The following VAT1L variants were observed in gnomAD, a reference collection of about 807,000 sequenced individuals.
VAT1L encodes vesicle amine transport 1 like.
In VAT1L, 34 loss-of-function variants were observed where a neutral mutation model predicts 44.1. The ratio of observed to expected loss-of-function variants is 0.77; its 90% CI spans 0.59 to 1.03. VAT1L has a LOEUF of 1.03. Ranked by LOEUF, VAT1L falls within the 50% of genes least tolerant of loss-of-function variation. The pLI is 0.00. For missense variants in VAT1L, 615 were observed against 538.8 expected (o/e 1.14, Z -1.40); for synonymous variants, 253 against 202.2 (o/e 1.25, Z -2.13).
At chr16:77,809,675 T>C (rs989586655) in intron 1 of VAT1L, among the ~76,000 whole-genome samples, 1 of 152,240 alleles carries the variant, frequency 6.6e-6, no homozygotes, top group Non-Finnish European at 1.5e-5. Context: ...CAATTGCTGC[T>C]ATGGGTAGAG....
chr16:77,835,257 A>C (rs1443215788), intron 3 of VAT1L, among the ~76,000 whole-genome samples: 1 of 152,190 alleles, frequency 6.6e-6, no homozygotes, highest in Non-Finnish European at 1.5e-5. Flanking sequence ...GGGGGAGGAA[A>C]AATCATTCCC....
intron 3 of VAT1L, among the ~76,000 whole-genome samples, chr16:77,838,322 G>T (rs1348984423): frequency 6.6e-6 from 1 of 152,144 alleles, no homozygotes; most frequent in African/African-American, 2.4e-5. Context: ...GTTGGGAAAG[G>T]GAGGTGTGTA....
At chr16:77,800,504 AGTACCC>A (rs2016027609) in intron 1 of VAT1L, 1 of 152,218 alleles carries the variant, frequency 6.6e-6, no homozygotes, top group Admixed American at 6.5e-5. Flanking sequence ...TGCACCCTTC[AGTACCC>A]ACAGAGAGTT....
At chr16:77,974,921 A>G (rs1567527780) in intron 8 of VAT1L, among the ~76,000 whole-genome samples, 2 of 152,088 alleles carry the variant, frequency 1.3e-5, no homozygotes, top group Admixed American at 6.5e-5. Flanking sequence ...ACAGTAGAGA[A>G]TGGGTAATCA....
intron 1 of VAT1L, among the ~76,000 whole-genome samples, chr16:77,791,473 G>A (rs1167813867): frequency 6.6e-6 from 1 of 152,184 alleles, no homozygotes; most frequent in African/African-American, 2.4e-5. Flanking sequence ...ATGCGCCAGT[G>A]AGATGGGTAT....
intron 4 of VAT1L, among the ~76,000 whole-genome samples, chr16:77,863,337 TAGG>T (rs748891950): frequency 6.6e-5 from 10 of 152,164 alleles, no homozygotes; most frequent in Non-Finnish European, 1.0e-4. Context: ...GGGTCATGAA[TAGG>T]AGGTTTTATG....
At chr16:77,920,605 T>C (rs2017601212) in intron 7 of VAT1L, among the ~76,000 whole-genome samples, 1 of 152,232 alleles carries the variant, frequency 6.6e-6, no homozygotes, top group African/African-American at 2.4e-5. Context: ...ATGCTCTGTA[T>C]AATGACATTT....
intron 7 of VAT1L, among the ~76,000 whole-genome samples, chr16:77,917,790 G>A (rs1263357703): frequency 2.6e-5 from 4 of 152,198 alleles, no homozygotes; most frequent in African/African-American, 9.7e-5. Context: ...GGAATAAGGA[G>A]AGTGTATGAT....
rs991260704 is a variant in VAT1L at position 77,978,756 on chromosome 16, C to T, written c.*1061C>T. 4 of 152,192 alleles carry T rather than the reference C, an allele frequency of 2.6e-5. No individual in the cohort carries two copies. Among genetic ancestry groups the T allele is most frequent in the Non-Finnish European group, 5.9e-5 (4 of 68,046 alleles). The allele number at this position is 152,192 out of a possible 1,614,324, so 9.4% of individuals were successfully genotyped here. A position where few individuals can be genotyped will look rare whatever the true frequency, so the allele number is the denominator to read the frequency against. ...TTCCTCCCCTCCCATATATAAACCC[C>T]GGTGTAGAATCTGCAGCGCCCTGCT... On this transcript the variant is annotated 3_prime_UTR_variant, in exon 9 of 9. Transcript: ENST00000302536.
At chr16:77,973,062 C>G (rs2018297449) in intron 8 of VAT1L, among the ~76,000 whole-genome samples, 3 of 152,052 alleles carry the variant, frequency 2.0e-5, no homozygotes, top group East Asian at 1.9e-4. Flanking sequence ...ATGTCAAACT[C>G]ACATCCCACC....
chr16:77,858,442 G>C (rs759200496), intron 3 of VAT1L, among the ~76,000 whole-genome samples: 1 of 152,242 alleles, frequency 6.6e-6, no homozygotes, highest in African/African-American at 2.4e-5. Flanking sequence ...AAGAAAAATA[G>C]TAAGAGAGGA....
intron 4 of VAT1L, among the ~76,000 whole-genome samples, chr16:77,875,584 T>C (rs1231447259): frequency 6.6e-6 from 1 of 152,162 alleles, no homozygotes; most frequent in Non-Finnish European, 1.5e-5. Flanking sequence ...TAAAAGTTGC[T>C]TACATGCATT....
chr16:77,917,816 G>A (rs184316964), intron 7 of VAT1L, among the ~76,000 whole-genome samples: 2 of 152,272 alleles, frequency 1.3e-5, no homozygotes, highest in African/African-American at 2.4e-5. Context: ...CTGCCTTTGA[G>A]GGGAAGATAC....
At chr16:77,901,312 C>T (rs1382897607) in intron 7 of VAT1L, among the ~76,000 whole-genome samples, 6 of 151,616 alleles carry the variant, frequency 4.0e-5, no homozygotes, top group African/African-American at 7.3e-5. Flanking sequence ...TACAGGCGCC[C>T]GCCACCATGC....
In VAT1L at chr16:77,977,887, G is replaced by C. The variant is rs1384905524; in HGVS notation, c.*192G>C. ...CCAATCCCATGCCATGCAGTATTAT[G>C]TCCCTCTCCTATCTGTGTATTACAC... On this transcript the variant is annotated 3_prime_UTR_variant, in exon 9 of 9. Coordinates refer to ENST00000302536, the MANE Select transcript of VAT1L (RefSeq NM_020927.3). 2 of 580,148 alleles carry C rather than the reference G, an allele frequency of 3.4e-6. No individual in the cohort carries two copies. Among genetic ancestry groups the C allele is most frequent in the Non-Finnish European group, 3.1e-6 (1 of 320,270 alleles). 35.9% of individuals were successfully genotyped at this position (580,148 alleles called of 1,614,324 possible).
At chr16:77,924,360 A>G (rs1345977876) in intron 7 of VAT1L, among the ~76,000 whole-genome samples, 3 of 152,116 alleles carry the variant, frequency 2.0e-5, no homozygotes, top group African/African-American at 7.2e-5. Context: ...CATATCAGGC[A>G]TTTTAAGCTT....
intron 4 of VAT1L, among the ~76,000 whole-genome samples, chr16:77,872,490 A>G (rs1029766159): frequency 6.6e-6 from 1 of 152,182 alleles, no homozygotes; most frequent in Non-Finnish European, 1.5e-5. Context: ...CCATAATGCA[A>G]GGTGAAGACC....
chr16:77,960,949 G>A (rs1457093483), intron 7 of VAT1L, among the ~76,000 whole-genome samples: 2 of 152,136 alleles, frequency 1.3e-5, no homozygotes, highest in Non-Finnish European at 2.9e-5. Flanking sequence ...ACTTCATTGA[G>A]AGCATGAACT....
intron 3 of VAT1L, among the ~76,000 whole-genome samples, chr16:77,854,354 T>C (rs867001423): frequency 6.6e-6 from 1 of 152,176 alleles, no homozygotes; most frequent in Non-Finnish European, 1.5e-5. Context: ...GCTTGAAGCA[T>C]TGTAGGTGAG....
Sources: gnomAD v4.1 joint callset for allele counts (sites outside exome capture counted in the v4.1 genomes callset) on GRCh38, gnomAD v4.1.1 for gene constraint, MANE v1.5 for transcripts, NCBI Gene and HGNC (gene_info 2026-07-23, HGNC 2026-07-21) for gene names.